Variants in TENM4 observed in about 807,000 individuals in gnomAD.
The protein encoded by TENM4 is teneurin transmembrane protein 4, also known as teneurin-4.
TENM4 carries 82 observed loss-of-function variants against 243.3 expected under a neutral mutation model. The ratio of observed to expected loss-of-function variants is 0.34; its 90% confidence interval spans 0.28 to 0.40. TENM4 has a LOEUF of 0.40. Ranked by LOEUF, TENM4 falls within the 10% of genes least tolerant of loss-of-function variation. TENM4 has a pLI of 1.00. For synonymous variants in TENM4, 1,412 were observed against 1,456.3 expected (o/e 0.97, Z 0.69); for missense variants, 3,138 against 3,673.3 (o/e 0.85, Z 3.77).
At chr11:78,945,092 A>T (rs1241971335) in intron 6 of TENM4, among the ~76,000 whole-genome samples, 2 of 152,204 alleles carry the variant, frequency 1.3e-5, no homozygotes, top group South Asian at 4.1e-4. Flanking sequence ...CAAAACAACG[A>T]TTCTCTATAG....
chr11:78,747,846 A>G (rs1347759260), intron 19 of TENM4, among the ~76,000 whole-genome samples: 1 of 152,258 alleles, frequency 6.6e-6, no homozygotes, highest in African/African-American at 2.4e-5. Flanking sequence ...ATAAAAATGC[A>G]GAAAGTCTTT....
At chr11:79,009,420 T>A (rs1193265016) in intron 6 of TENM4, among the ~76,000 whole-genome samples, 1 of 152,104 alleles carries the variant, frequency 6.6e-6, no homozygotes, top group Non-Finnish European at 1.5e-5. Flanking sequence ...GATGTGGAGA[T>A]GAGAAAGGCA....
chr11:78,768,522 C>T (rs928313662), intron 18 of TENM4, among the ~76,000 whole-genome samples: 1 of 152,230 alleles, frequency 6.6e-6, no homozygotes, highest in East Asian at 1.9e-4. Context: ...GTGACCTTCA[C>T]AAGGGTAGGG....
intron 2 of TENM4, among the ~76,000 whole-genome samples, chr11:79,281,103 G>A (rs1035599380): frequency 6.6e-6 from 1 of 152,166 alleles, no homozygotes; most frequent in Non-Finnish European, 1.5e-5. Context: ...TCTGCATATA[G>A]AGATGAAGGA....
At chr11:78,920,586 C>T (rs183839630) in intron 6 of TENM4, among the ~76,000 whole-genome samples, 1 of 152,110 alleles carries the variant, frequency 6.6e-6, no homozygotes, top group African/African-American at 2.4e-5. Context: ...CACTTACTCA[C>T]ATTGATTTTT....
At position 78,657,447 on chromosome 11, in the gene TENM4, C is replaced by T; in HGVS notation, c.*611G>A. ...GCAGCTTAAAAAAGGTGCTGAACAACACCATGAAATTCCCTGGAGCAAGAT... is the reference window on the plus strand; with the variant it reads ...GCAGCTTAAAAAAGGTGCTGAACAATACCATGAAATTCCCTGGAGCAAGAT... On this transcript the variant is annotated 3_prime_UTR_variant, in exon 34 of 34. Transcript: ENST00000278550. 1 of 362,682 alleles carries T rather than the reference C, an allele frequency of 2.8e-6. No homozygotes were observed. The highest frequency in any genetic ancestry group is 4.9e-6 in the Non-Finnish European group (1 of 203,534). 22.5% of individuals were successfully genotyped at this position (362,682 alleles called of 1,614,324 possible). A position where few individuals can be genotyped will look rare whatever the true frequency, so the allele number is the denominator to read the frequency against.
intron 1 of TENM4, among the ~76,000 whole-genome samples, chr11:79,386,118 A>G (rs535251435): frequency 6.6e-6 from 1 of 152,342 alleles, no homozygotes; most frequent in East Asian, 1.9e-4. Flanking sequence ...CCCACAAATG[A>G]TCAGCCACCT....
At chr11:78,677,666 CATAAAT>C (rs1408299278) in intron 29 of TENM4, among the ~76,000 whole-genome samples, 1 of 150,150 alleles carries the variant, frequency 6.7e-6, no homozygotes, top group Non-Finnish European at 1.5e-5. Flanking sequence ...AAAAAAAATA[CATAAAT>C]ATAAACATAT....
At chr11:78,718,567 T>C (rs1487686401) in intron 25 of TENM4, among the ~76,000 whole-genome samples, 1 of 152,206 alleles carries the variant, frequency 6.6e-6, no homozygotes, top group Non-Finnish European at 1.5e-5. Context: ...GGGTCATGGC[T>C]GTGTCCTTTG....
At chr11:78,759,371 A>G (rs1159196100) in intron 18 of TENM4, among the ~76,000 whole-genome samples, 1 of 152,262 alleles carries the variant, frequency 6.6e-6, no homozygotes, top group Non-Finnish European at 1.5e-5. Flanking sequence ...TGTTGCATCC[A>G]TAACTCTGCA....
At chr11:79,223,218 C>G (rs1453758651) in intron 2 of TENM4, among the ~76,000 whole-genome samples, 2 of 152,092 alleles carry the variant, frequency 1.3e-5, no homozygotes, top group African/African-American at 4.8e-5. Context: ...CAAGAACTGC[C>G]TGTAAAAATG....
At chr11:78,996,948 A>G (rs191053421) in intron 6 of TENM4, among the ~76,000 whole-genome samples, 1 of 152,262 alleles carries the variant, frequency 6.6e-6, no homozygotes, top group African/African-American at 2.4e-5. Flanking sequence ...GGTGCCAAAG[A>G]AGAGTTCTTC....
At chr11:79,410,440 G>C (rs999113538) in intron 1 of TENM4, among the ~76,000 whole-genome samples, 1 of 152,158 alleles carries the variant, frequency 6.6e-6, no homozygotes, top group Non-Finnish European at 1.5e-5. Context: ...CCATCACCTA[G>C]AACTGTGCCT....
intron 1 of TENM4, among the ~76,000 whole-genome samples, chr11:79,347,819 C>T (rs1314680505): frequency 7.3e-6 from 1 of 136,290 alleles, no homozygotes. Context: ...GTCGCCCAGA[C>T]CGGACTGCGG....
chr11:79,032,181 T>C (rs1422236379), intron 6 of TENM4, among the ~76,000 whole-genome samples: 1 of 151,994 alleles, frequency 6.6e-6, no homozygotes. Flanking sequence ...ATGACAGGGG[T>C]TTGGGATTCA....
chr11:79,178,683 A>C (rs1863221482), intron 3 of TENM4, among the ~76,000 whole-genome samples: 1 of 152,122 alleles, frequency 6.6e-6, no homozygotes, highest in Admixed American at 6.5e-5. Flanking sequence ...GATAGCGGGG[A>C]GAAAGGTTGA....
intron 6 of TENM4, among the ~76,000 whole-genome samples, chr11:78,993,387 G>A (rs189694589): frequency 6.6e-4 from 100 of 152,196 alleles, no homozygotes; most frequent in Admixed American, 6.5e-3. Flanking sequence ...CCTGTGACTT[G>A]TTGAGTTTCC....
At chr11:78,882,973 G>C (rs1855464430) in intron 9 of TENM4, among the ~76,000 whole-genome samples, 1 of 152,176 alleles carries the variant, frequency 6.6e-6, no homozygotes. Context: ...AAATTGGAAT[G>C]TTCCACTGTG....
At position 78,717,984 on chromosome 11, in the gene TENM4, G is replaced by A. The variant is rs577621915; in HGVS notation, c.3821+2386C>T. Among the ~76,000 whole-genome samples, 3 of 152,350 alleles carry A rather than the reference G, an allele frequency of 2.0e-5. No homozygotes were observed. The East Asian group carries it at 5.8e-4, about 29-fold the overall frequency. Reference sequence around the variant, plus strand: ...TGTACTGAGCATGCCCGACACAGCAGGCTGGCACTGAGGCTGGAAAAGCAA... The same window carrying A: ...TGTACTGAGCATGCCCGACACAGCAAGCTGGCACTGAGGCTGGAAAAGCAA... On this transcript the variant is annotated intron_variant, in intron 25 of 33. Coordinates refer to ENST00000278550, the MANE Select transcript of TENM4 (RefSeq NM_001098816.3).
Sources: allele counts gnomAD v4.1 joint callset (sites outside exome capture counted in the v4.1 genomes callset), GRCh38; gene constraint gnomAD v4.1.1; transcripts MANE v1.5; gene names NCBI Gene and HGNC (gene_info 2026-07-23, HGNC 2026-07-21).